The following FKBP15 variants were observed in gnomAD, a reference collection of about 807,000 sequenced individuals.
FKBP15 encodes FKBP prolyl isomerase family member 15.
In FKBP15, 106 loss-of-function variants were observed where a neutral mutation model predicts 158.1. The ratio of observed to expected loss-of-function variants is 0.67; its 90% confidence interval spans 0.57 to 0.79. FKBP15 has a LOEUF of 0.79. Among genes scored for constraint, FKBP15 ranks in the 30% least tolerant of loss-of-function variants. The probability of loss-of-function intolerance (pLI) is 0.00; values close to 1 mark genes in which losing one functional copy is unlikely to be tolerated. For missense variants in FKBP15, 1,287 were observed against 1,479.1 expected (o/e 0.87, Z 2.13); for synonymous variants, 547 against 548.6 (o/e 1.00, Z 0.04).
At chr9:113,217,193 C>A (rs1205333397) in intron 1 of FKBP15, among the ~76,000 whole-genome samples, 1 of 146,834 alleles carries the variant, frequency 6.8e-6, no homozygotes, top group African/African-American at 2.5e-5. Flanking sequence ...TGTGAGCCAC[C>A]ACGCCCAGTT....
rs1830167408 is a variant in FKBP15 at position 113,169,622 on chromosome 9, C to T, written c.3087G>A (p.Leu1029=). 6.2e-7 allele frequency: 1 copy of T among 1,614,004 alleles called. No individual in the cohort carries two copies. Among genetic ancestry groups the T allele is most frequent in the Non-Finnish European group, 8.5e-7 (1 of 1,179,888 alleles). Residue 1029 remains leucine (L), a synonymous_variant, in exon 26 of 28, where the codon CTG becomes CTA. Coordinates refer to ENST00000238256, the MANE Select transcript of FKBP15 (RefSeq NM_015258.2). ...GAACTCTGTGGGATGGGATGCAAGA[C>T]AGTTCGGGTGGAAGGGAACCATCTT... ...EIKDGSLPPE[L]SCIPSHRVLG... is the part of the protein sequence containing the mutation.
At chr9:113,178,854 G>A in intron 19 of FKBP15, 53 bp from the exon 20 acceptor site, 1 of 1,505,754 alleles carries the variant, frequency 6.6e-7, no homozygotes, top group Non-Finnish European at 9.0e-7. Context: ...TCTCCATGCA[G>A]GTGATGAACC....
chr9:113,168,562 G>A lies in FKBP15; in HGVS notation c.3486-6C>T, dbSNP rs917119537. ...CCTCTTCATCCCCAGAGAGACTGAA[G>A]GAAAATCAAGTCATAGAAAATGTTA... On this transcript the variant is annotated splice_region_variant and splice_polypyrimidine_tract_variant and intron_variant, in intron 26 of 27. Coordinates refer to ENST00000238256, the MANE Select transcript of FKBP15 (RefSeq NM_015258.2). 13 of 1,612,418 alleles carry A rather than the reference G, an allele frequency of 8.1e-6. No homozygotes were observed. Among genetic ancestry groups the A allele is most frequent in the Non-Finnish European group, 1.0e-5 (12 of 1,178,516 alleles).
chr9:113,206,354 C>T (rs1354964340), intron 4 of FKBP15, 155 bp downstream of exon 4: 1 of 595,484 alleles, frequency 1.7e-6, no homozygotes, highest in Non-Finnish European at 2.9e-6. Flanking sequence ...AAAATGTGAT[C>T]ATTTACTATA....
At chr9:113,182,130 C>G (rs937349929) in intron 19 of FKBP15, among the ~76,000 whole-genome samples, 1 of 152,106 alleles carries the variant, frequency 6.6e-6, no homozygotes, top group Non-Finnish European at 1.5e-5. Flanking sequence ...TCAAGGAAAA[C>G]ACAAATACAA....
Position 113,174,580 on chromosome 9 carries a change from G to C in FKBP15, c.2227C>G (p.Leu743Val), listed in dbSNP as rs761367003. ...RVEKESLEKN[L>V]SERKKKSAQE... ...GCTGACTTCTTTTTCCTTTCTGAGAGGTTCTTAGGAACAAGAGAACCATCA... is the reference window on the plus strand; with the variant it reads ...GCTGACTTCTTTTTCCTTTCTGAGACGTTCTTAGGAACAAGAGAACCATCA... The change falls in exon 22 of 28, where the codon CTC becomes GTC. Residue 743 changes from leucine (L) to valine (V), a missense_variant. Coordinates refer to ENST00000238256, the MANE Select transcript of FKBP15 (RefSeq NM_015258.2). The C allele has an allele frequency of 9.3e-6, 15 of 1,613,378 alleles. No individual in the cohort carries two copies. The highest frequency in any genetic ancestry group is 1.3e-5 in the Non-Finnish European group (15 of 1,179,714).
intron 27 of FKBP15, among the ~76,000 whole-genome samples, chr9:113,167,564 G>A (rs1355507195): frequency 6.6e-6 from 1 of 152,204 alleles, no homozygotes; most frequent in African/African-American, 2.4e-5. Context: ...TCCGATACAT[G>A]CAAGCTGGAG....
In FKBP15 at chr9:113,174,447, T is replaced by A. The variant is rs764987314; in HGVS notation, c.2360A>T (p.Asp787Val). The change falls in exon 22 of 28, where the codon GAC (aspartate) becomes GTC (valine). Residue 787 changes from aspartate to valine, a missense_variant. Physicochemically the swap from Asp to Val is radical, Grantham distance 152. Transcript: ENST00000238256. ...QLLKKTRVSTDQAAAEQLSLV... is the reference protein window; with the variant it reads ...QLLKKTRVSTVQAAAEQLSLV... ...CATTACCTGCTCTGCAGCTGCTTGG[T>A]CTGTGGACACTCGAGTCTTTTTCAA... 1.2e-6 allele frequency: 2 copies of A among 1,613,976 alleles called. No individual in the cohort carries two copies. Among genetic ancestry groups the A allele is most frequent in the South Asian group, 2.2e-5 (2 of 91,080 alleles).
At chr9:113,187,513 G>A in intron 14 of FKBP15, 1 of 388,374 alleles carries the variant, frequency 2.6e-6, no homozygotes, top group East Asian at 5.5e-5. Flanking sequence ...CGCTTCAACT[G>A]GATATGTGTG....
chr9:113,161,729 A>T lies in FKBP15; in HGVS notation c.*4349T>A. On this transcript the variant is annotated 3_prime_UTR_variant, in exon 28 of 28. Coordinates refer to ENST00000238256, the MANE Select transcript of FKBP15 (RefSeq NM_015258.2). ...GGCAGTGGGTATGGGAAAGGGGCAGAAGCCTCACATTCACCCTGAGAGACA... is the reference window on the plus strand; with the variant it reads ...GGCAGTGGGTATGGGAAAGGGGCAGTAGCCTCACATTCACCCTGAGAGACA... 1 of 1,608,706 alleles carries T rather than the reference A, an allele frequency of 6.2e-7. No homozygotes were observed. Among genetic ancestry groups the T allele is most frequent in the Non-Finnish European group, 8.5e-7 (1 of 1,175,856 alleles).
intron 1 of FKBP15, among the ~76,000 whole-genome samples, chr9:113,217,076 G>T (rs896101569): frequency 6.6e-6 from 1 of 151,170 alleles, no homozygotes; most frequent in African/African-American, 2.4e-5. Flanking sequence ...GCTAATTTTT[G>T]TATTTTTAGT....
chr9:113,217,201 GTTTTTTTT>G (rs979783485), intron 1 of FKBP15, among the ~76,000 whole-genome samples: 11 of 89,396 alleles, frequency 1.2e-4, no homozygotes, highest in African/African-American at 4.5e-4. Flanking sequence ...ACCACGCCCA[GTTTTTTTT>G]TTTTTTTTTT....
At position 113,198,795 on chromosome 9, in the gene FKBP15, A is replaced by T; in HGVS notation, c.717+60T>A. The T allele has an allele frequency of 9.1e-7, 1 of 1,094,032 alleles. No individual in the cohort carries two copies. Among genetic ancestry groups the T allele is most frequent in the Non-Finnish European group, 1.3e-6 (1 of 764,490 alleles). The allele number at this position is 1,094,032 out of a possible 1,614,324, so 67.8% of individuals were successfully genotyped here. ...TAAAAAAAGGAATTCCACAAAATTT[A>T]ATCTAAGTTAAACCCACTGCAACTG... is the stretch of plus-strand genomic sequence containing the variant. On this transcript the variant is annotated intron_variant, in intron 8 of 27. Transcript: ENST00000238256. This position sits in a 1 kb window ranked among gnomAD's most constrained non-coding sequence, Gnocchi z 5.2.
Position 113,206,573 on chromosome 9 carries a change from T to C in FKBP15, c.260A>G (p.Asn87Ser). The C allele has an allele frequency of 6.2e-7, 1 of 1,613,278 alleles. No individual in the cohort carries two copies. Among genetic ancestry groups the C allele is most frequent in the Non-Finnish European group, 8.5e-7 (1 of 1,179,534 alleles). The change falls in exon 4 of 28, where the codon AAT becomes AGT. Residue 87 changes from asparagine (N) to serine (S), a missense_variant. Physicochemically the swap from Asn to Ser is conservative, Grantham distance 46. Transcript: ENST00000238256. The stretch of plus-strand genomic sequence containing the variant: ...TTTGCCCTGCTTTACATATTGACCA[T>C]TTGTGCTATAAAAGGAAGAGAAACA... ...ATAVHAYRYT[N>S]GQYVKQGKFG... is the part of the protein sequence containing the mutation.
chr9:113,220,343 A>G (rs1253757541), intron 1 of FKBP15, among the ~76,000 whole-genome samples: 8 of 152,214 alleles, frequency 5.3e-5, no homozygotes, highest in Non-Finnish European at 1.2e-4. Context: ...AGTTTGGAGG[A>G]AGTCAAGCTG....
chr9:113,213,860 A>G (rs1269739029), intron 1 of FKBP15, among the ~76,000 whole-genome samples: 3 of 152,338 alleles, frequency 2.0e-5, no homozygotes, highest in Non-Finnish European at 4.4e-5. Flanking sequence ...ACAGACTAAG[A>G]TATCAGCCAA....
At chr9:113,189,698 G>C (rs1341401563) in intron 12 of FKBP15, among the ~76,000 whole-genome samples, 3 of 151,806 alleles carry the variant, frequency 2.0e-5, no homozygotes, top group African/African-American at 7.3e-5. Context: ...CCCTTTCCTT[G>C]TTTTCTATCA....
intron 20 of FKBP15, among the ~76,000 whole-genome samples, chr9:113,177,382 G>T (rs1830317928): frequency 6.6e-6 from 1 of 152,172 alleles, no homozygotes; most frequent in South Asian, 2.1e-4. Flanking sequence ...GACTCTTGAG[G>T]TAATTGTCAT....
intron 2 of FKBP15, among the ~76,000 whole-genome samples, chr9:113,211,181 G>A (rs1020691233): frequency 1.3e-5 from 2 of 152,056 alleles, no homozygotes; most frequent in African/African-American, 2.4e-5. Context: ...GTTTTGTTTT[G>A]TTTTTTGAGA....
Sources: allele counts gnomAD v4.1 joint callset (sites outside exome capture counted in the v4.1 genomes callset), GRCh38; gene constraint gnomAD v4.1.1; non-coding constraint Gnocchi (gnomAD v3.1); transcripts MANE v1.5; gene names NCBI Gene and HGNC (gene_info 2026-07-23, HGNC 2026-07-21).